GALNT13: variants seen among roughly 807,000 people sequenced by gnomAD.
GALNT13 encodes polypeptide N-acetylgalactosaminyltransferase 13.
GALNT13 carries 28 observed loss-of-function variants against 64.2 expected under a neutral mutation model. That is an observed-to-expected ratio of 0.44 (90% CI 0.32 to 0.60). The LOEUF (loss-of-function observed/expected upper bound fraction) is 0.60, where lower values mean the gene tolerates loss of function less well. Ranked by LOEUF, GALNT13 falls within the 20% of genes least tolerant of loss-of-function variation. The probability of loss-of-function intolerance (pLI) is 0.05; values close to 1 mark genes in which losing one functional copy is unlikely to be tolerated. For synonymous variants in GALNT13, 214 were observed against 224.6 expected (o/e 0.95, Z 0.42); for missense variants, 577 against 669.8 (o/e 0.86, Z 1.53).
intron 4 of GALNT13, among the ~76,000 whole-genome samples, chr2:154,213,674 A>G (rs552855695): frequency 1.9e-4 from 29 of 152,198 alleles, no homozygotes; most frequent in South Asian, 1.7e-3. Flanking sequence ...GTATATCACA[A>G]GAGGAGATGG....
At chr2:153,165,342 A>T in the GALNT13 span, among the ~76,000 whole-genome samples, 1 of 152,362 alleles carries the variant, frequency 6.6e-6, no homozygotes, top group South Asian at 2.1e-4. Flanking sequence ...TATGCTCTGT[A>T]AAATGTTTGC....
intron 11 of GALNT13, among the ~76,000 whole-genome samples, chr2:154,425,434 G>A (rs1042395649): frequency 1.3e-5 from 2 of 152,120 alleles, no homozygotes; most frequent in African/African-American, 2.4e-5. Context: ...CAAAGATCAG[G>A]TATCTTGCTG....
At chr2:153,807,100 TCCGTG>T in the GALNT13 span, among the ~76,000 whole-genome samples, 1 of 152,004 alleles carries the variant, frequency 6.6e-6, no homozygotes, top group Non-Finnish European at 1.5e-5. Context: ...TCATGCCCAA[TCCGTG>T]TAGTAACAGC....
At chr2:153,688,736 T>G in the GALNT13 span, among the ~76,000 whole-genome samples, 1 of 152,068 alleles carries the variant, frequency 6.6e-6, no homozygotes, top group Non-Finnish European at 1.5e-5. Flanking sequence ...TTCATTAAAC[T>G]TGTTTGTAAC....
At chr2:154,169,009 C>T (rs553971304) in intron 4 of GALNT13, among the ~76,000 whole-genome samples, 1 of 152,116 alleles carries the variant, frequency 6.6e-6, no homozygotes, top group South Asian at 2.1e-4. Flanking sequence ...GCAGAGATCA[C>T]ATCATGACAG....
the GALNT13 span, among the ~76,000 whole-genome samples, chr2:153,399,249 T>A: frequency 6.6e-6 from 1 of 151,740 alleles, no homozygotes; most frequent in African/African-American, 2.4e-5. Context: ...TGCGGCGTTA[T>A]TTCTGAGGGC....
intron 7 of GALNT13, among the ~76,000 whole-genome samples, chr2:154,247,875 G>A (rs867036436): frequency 1.3e-5 from 2 of 152,056 alleles, no homozygotes; most frequent in Admixed American, 6.6e-5. Flanking sequence ...GTGGCAAAAG[G>A]TTAATTAATT....
chr2:154,363,722 G>A lies in GALNT13; in HGVS notation c.1157-32269G>A, dbSNP rs557022493. Among the ~76,000 whole-genome samples the A allele has an allele frequency of 3.3e-5, 5 of 152,296 alleles. No homozygotes were observed. The South Asian group carries it at 1.0e-3, about 32-fold the overall frequency. The stretch of plus-strand genomic sequence containing the variant: ...AAAAGATAAAGACTGGAGTTAAATA[G>A]AAGTGTTGAATTGACTCCCCAGACC... On this transcript the variant is annotated intron_variant, in intron 9 of 12. Coordinates refer to ENST00000392825, the MANE Select transcript of GALNT13 (RefSeq NM_052917.4).
chr2:153,800,045 G>GCTATCTCTCTCTCTCTCTCTCT, the GALNT13 span, among the ~76,000 whole-genome samples: 1 of 118,930 alleles, frequency 8.4e-6, no homozygotes, highest in South Asian at 3.0e-4. Flanking sequence ...CATTTAGTTT[G>GCTATCTCTCTCTCTCTCTCTCT]CTCTCTCTCT....
intron 3 of GALNT13, among the ~76,000 whole-genome samples, chr2:153,989,864 G>T (rs1695047310): frequency 6.6e-6 from 1 of 152,008 alleles, no homozygotes; most frequent in Non-Finnish European, 1.5e-5. Flanking sequence ...GTATAGAAAA[G>T]TCCAGAGGTA....
At chr2:153,834,117 T>C in the GALNT13 span, among the ~76,000 whole-genome samples, 1 of 152,122 alleles carries the variant, frequency 6.6e-6, no homozygotes. Context: ...GTAAGGAAAT[T>C]TGTACCACTT....
At chr2:153,635,364 T>A in the GALNT13 span, among the ~76,000 whole-genome samples, 5 of 135,670 alleles carry the variant, frequency 3.7e-5, no homozygotes, top group Non-Finnish European at 8.1e-5. Context: ...AACAGATTTT[T>A]TCTAGAACTC....
the GALNT13 span, among the ~76,000 whole-genome samples, chr2:153,658,670 G>A: frequency 6.6e-6 from 1 of 151,940 alleles, no homozygotes; most frequent in Non-Finnish European, 1.5e-5. Flanking sequence ...TAAACTCAGG[G>A]AAAAGACAGA....
the GALNT13 span, among the ~76,000 whole-genome samples, chr2:153,307,882 C>T: frequency 6.6e-6 from 1 of 152,008 alleles, no homozygotes; most frequent in Non-Finnish European, 1.5e-5. Flanking sequence ...ATCATCTATT[C>T]AGATGTATAA....
chr2:154,080,455 G>T (rs1237215919), intron 3 of GALNT13, among the ~76,000 whole-genome samples: 1 of 151,544 alleles, frequency 6.6e-6, no homozygotes, highest in Non-Finnish European at 1.5e-5. Context: ...ATGCACGAGG[G>T]CAGGAAATTG....
chr2:154,423,148 T>G (rs1700327946), intron 11 of GALNT13, among the ~76,000 whole-genome samples: 1 of 147,150 alleles, frequency 6.8e-6, no homozygotes, highest in African/African-American at 2.5e-5. Context: ...CACCTATGAG[T>G]GAGAACATGC....
At chr2:153,938,064 A>G in intron 2 of GALNT13, among the ~76,000 whole-genome samples, 2 of 152,320 alleles carry the variant, frequency 1.3e-5, no homozygotes, top group East Asian at 3.9e-4. Flanking sequence ...AAAGATTATT[A>G]TTAATATAAC....
At chr2:153,669,911 C>G in the GALNT13 span, among the ~76,000 whole-genome samples, 2 of 147,968 alleles carry the variant, frequency 1.4e-5, no homozygotes, top group African/African-American at 2.5e-5. Context: ...TGGAGCCTTG[C>G]TCACTGCTAG....
At chr2:153,952,588 CA>C (rs1692272410) in intron 3 of GALNT13, among the ~76,000 whole-genome samples, 1 of 151,762 alleles carries the variant, frequency 6.6e-6, no homozygotes, top group Non-Finnish European at 1.5e-5. Context: ...TCACAGAGGG[CA>C]AAAGGGATAT....
Sources: allele counts gnomAD v4.1 joint callset (sites outside exome capture counted in the v4.1 genomes callset), GRCh38; gene constraint gnomAD v4.1.1; transcripts MANE v1.5; gene names NCBI Gene and HGNC (gene_info 2026-07-23, HGNC 2026-07-21).